The following IFI16 variants were observed in gnomAD, a reference collection of about 807,000 sequenced individuals.
IFI16 encodes the protein interferon gamma inducible protein 16, also known as gamma-interferon-inducible protein 16.
IFI16 carries 49 observed loss-of-function variants against 68.4 expected under a neutral mutation model. That is an observed-to-expected ratio of 0.72 (90% confidence interval 0.57 to 0.91). The LOEUF (loss-of-function observed/expected upper bound fraction) is 0.91. IFI16 is among the 40% of genes least tolerant of loss of function. The pLI is 0.00. For missense variants in IFI16, 878 were observed against 942.9 expected (o/e 0.93, Z 0.90); for synonymous variants, 307 against 315.0 (o/e 0.97, Z 0.27).
chr1:159,034,510 T>C (rs572869780), intron 7 of IFI16, among the ~76,000 whole-genome samples: 1 of 152,318 alleles, frequency 6.6e-6, no homozygotes, highest in South Asian at 2.1e-4. Context: ...TTTCACTTCG[T>C]TCATGACCAC....
intron 9 of IFI16, 24 bp from the exon 10 acceptor site, chr1:159,051,655 A>G (rs3737522): frequency 0.14 from 227,968 of 1,579,508 alleles, 18,648 homozygotes; most frequent in African/African-American, 0.27. Flanking sequence ...AATTGTGCCT[A>G]TGTTTTGGTC....
At chr1:159,025,212 A>T (rs1174645209) in intron 6 of IFI16, among the ~76,000 whole-genome samples, 1 of 152,224 alleles carries the variant, frequency 6.6e-6, no homozygotes, top group East Asian at 1.9e-4. Flanking sequence ...CGCCCAAGGG[A>T]TGCTGTGGCC....
Position 159,051,765 on chromosome 1 carries a change from C to T in IFI16, c.1752C>T (p.Asn584=), listed in dbSNP as rs371869833. 1.4e-5 allele frequency: 22 copies of T among 1,613,702 alleles called. No homozygotes were observed. The highest frequency in any genetic ancestry group is 4.5e-5 in the East Asian group (2 of 44,886). The change falls in exon 10 of 12, where the codon AAC becomes AAT. Residue 584 remains asparagine (N), a synonymous_variant. Coordinates refer to ENST00000295809, the MANE Select transcript of IFI16 (RefSeq NM_001376587.1). Reference sequence around the variant, plus strand: ...ACCTCAAAGAAGTGATGGTGCTGAACGCAACAGAATCATTTGTATATGAGC... The same window carrying T: ...ACCTCAAAGAAGTGATGGTGCTGAATGCAACAGAATCATTTGTATATGAGC... The part of the protein sequence containing the change: ...QSDLKEVMVL[N]ATESFVYEPK...
chr1:159,039,683 C>A (rs946778384), intron 7 of IFI16, among the ~76,000 whole-genome samples: 2 of 152,254 alleles, frequency 1.3e-5, no homozygotes, highest in African/African-American at 4.8e-5. Flanking sequence ...ACAGAAAAGA[C>A]TCAATCTTTT....
At chr1:159,003,300 C>T (rs1257053127), upstream of IFI16, among the ~76,000 whole-genome samples, 5 of 152,080 alleles carry the variant, frequency 3.3e-5, no homozygotes, top group African/African-American at 4.8e-5. Context: ...TATTTTTTCA[C>T]GATAATTTAA....
At chr1:159,009,208 G>A (rs1302851918), upstream of IFI16, 9 of 152,146 alleles carry the variant, frequency 5.9e-5, no homozygotes, top group Non-Finnish European at 1.0e-4. Flanking sequence ...CTGAGCATTC[G>A]TGAATCTAAT....
At chr1:159,008,277 G>A (rs531870948), upstream of IFI16, among the ~76,000 whole-genome samples, 49 of 151,884 alleles carry the variant, frequency 3.2e-4, no homozygotes, top group African/African-American at 9.4e-4. Flanking sequence ...ATATATATTC[G>A]CACATTTTTT....
chr1:159,052,322 A>G, intron 10 of IFI16: 2 of 535,172 alleles, frequency 3.7e-6, no homozygotes, highest in South Asian at 4.8e-5. Flanking sequence ...TTATTTAGAC[A>G]GTCACTAGGA....
chr1:159,042,070 C>T (rs1379649381), intron 7 of IFI16, among the ~76,000 whole-genome samples: 4 of 152,184 alleles, frequency 2.6e-5, no homozygotes, highest in Non-Finnish European at 5.9e-5. Context: ...GTAATCTCAG[C>T]CAGGATCATA....
intron 7 of IFI16, among the ~76,000 whole-genome samples, chr1:159,043,904 T>C (rs1044764597): frequency 2.0e-5 from 3 of 152,290 alleles, no homozygotes; most frequent in East Asian, 1.9e-4. Context: ...TAAAATTACA[T>C]TGCTACACAT....
chr1:159,026,041 T>C (rs544455308), intron 6 of IFI16, among the ~76,000 whole-genome samples: 2 of 152,346 alleles, frequency 1.3e-5, no homozygotes, highest in East Asian at 3.9e-4. Flanking sequence ...TGCCTATTTT[T>C]ATACCCAGAA....
Position 159,015,907 on chromosome 1 carries a change from GA to G in IFI16, c.303del (p.Val102TrpfsTer92). On this transcript the variant is annotated frameshift_variant, in exon 3 of 12. Coordinates refer to ENST00000295809, the MANE Select transcript of IFI16 (RefSeq NM_001376587.1). LOFTEE classifies it high-confidence loss of function. ...AGCCCTATCAAGAAAGAGGAAGAAGGAAGTGGATGCTACTTCACCTGCACCC... is the reference window on the plus strand; with the variant it reads ...AGCCCTATCAAGAAAGAGGAAGAAGGAGTGGATGCTACTTCACCTGCACCC... Reference protein sequence around the residue: ...GPALSRKRKKEVDATSPAPST... With the variant: ...GPALSRKRKKXVDATSPAPST... 6.2e-7 allele frequency: 1 copy of G among 1,614,044 alleles called. No individual in the cohort carries two copies. The highest frequency in any genetic ancestry group is 8.5e-7 in the Non-Finnish European group (1 of 1,179,918).
intron 1 of IFI16, among the ~76,000 whole-genome samples, chr1:159,011,558 T>C (rs1437335833): frequency 1.3e-5 from 2 of 151,948 alleles, no homozygotes. Context: ...AAGAGAAATA[T>C]ATACTAATTA....
chr1:159,034,068 T>A (rs2101878115), intron 7 of IFI16, among the ~76,000 whole-genome samples: 1 of 152,296 alleles, frequency 6.6e-6, no homozygotes, highest in Middle Eastern at 3.4e-3. Context: ...TCTTCAATAT[T>A]TCTAAATACA....
At chr1:159,003,779 G>C (rs1204168483), upstream of IFI16, among the ~76,000 whole-genome samples, 2 of 152,092 alleles carry the variant, frequency 1.3e-5, no homozygotes, top group Admixed American at 6.6e-5. Flanking sequence ...TCCTGCCTCA[G>C]CCTCCCGAGT....
At chr1:159,026,457 C>G (rs539486183) in intron 6 of IFI16, among the ~76,000 whole-genome samples, 1 of 152,188 alleles carries the variant, frequency 6.6e-6, no homozygotes, top group African/African-American at 2.4e-5. Flanking sequence ...TGCCACCACG[C>G]CTGGCTAATT....
chr1:159,050,855 G>A (rs1156914498), intron 9 of IFI16, among the ~76,000 whole-genome samples: 1 of 152,126 alleles, frequency 6.6e-6, no homozygotes, highest in Non-Finnish European at 1.5e-5. Context: ...GATTAGGAAA[G>A]TTTGTGGAGT....
chr1:159,046,692 A>G (rs548724283), intron 8 of IFI16, among the ~76,000 whole-genome samples: 16 of 150,962 alleles, frequency 1.1e-4, no homozygotes, highest in South Asian at 6.3e-4. Flanking sequence ...TTTGATATCA[A>G]ATTTTTCCAT....
intron 9 of IFI16, among the ~76,000 whole-genome samples, chr1:159,050,067 C>A (rs1374781409): frequency 6.6e-6 from 1 of 152,188 alleles, no homozygotes; most frequent in African/African-American, 2.4e-5. Flanking sequence ...CATGGTCTTT[C>A]TGATTTTATA....
Sources: gnomAD v4.1 joint callset for allele counts (sites outside exome capture counted in the v4.1 genomes callset) on GRCh38, gnomAD v4.1.1 for gene constraint, MANE v1.5 for transcripts, NCBI Gene and HGNC (gene_info 2026-07-23, HGNC 2026-07-21) for gene names.